Variants in TRAPPC12 observed in about 807,000 individuals in gnomAD.
TRAPPC12 encodes trafficking protein particle complex subunit 12.
Under a neutral mutation model 69.2 loss-of-function variants are expected in TRAPPC12, and 61 were observed. That is an observed-to-expected ratio of 0.88 (90% CI 0.72 to 1.09). The LOEUF (loss-of-function observed/expected upper bound fraction) is 1.09. TRAPPC12 is among the 50% of genes least tolerant of loss of function. The probability of loss-of-function intolerance (pLI) is 0.00; values close to 1 mark genes in which losing one functional copy is unlikely to be tolerated. For synonymous variants in TRAPPC12, 469 were observed against 438.9 expected, an observed-to-expected ratio of 1.07 and a Z score of -0.86; for missense variants, 1,101 against 1,016.4, an observed-to-expected ratio of 1.08 and a Z score of -1.13.
At chr2:3,442,443 G>T (rs537118111) in intron 5 of TRAPPC12, among the ~76,000 whole-genome samples, 1 of 152,248 alleles carries the variant, frequency 6.6e-6, no homozygotes, top group African/African-American at 2.4e-5. Flanking sequence ...CTTAATTGTA[G>T]GCCAGTCCCC....
At chr2:3,464,210 C>T (rs117610933) in intron 8 of TRAPPC12, among the ~76,000 whole-genome samples, 1,613 of 152,276 alleles carry the variant, frequency 0.011, 29 homozygotes, top group East Asian at 0.064. Context: ...CACACATGCT[C>T]GCACTCGCAC....
intron 1 of TRAPPC12, among the ~76,000 whole-genome samples, chr2:3,383,653 C>T (rs1186636861): frequency 2.6e-5 from 4 of 151,878 alleles, no homozygotes; most frequent in Non-Finnish European, 5.9e-5. Context: ...GATACGCCCG[C>T]CCCGGCCTCC....
chr2:3,395,446 A>G (rs763118457), intron 2 of TRAPPC12, among the ~76,000 whole-genome samples: 6 of 147,040 alleles, frequency 4.1e-5, no homozygotes, highest in Admixed American at 2.7e-4. Flanking sequence ...TTACTATTCT[A>G]TGTCTTGTTT....
At position 3,401,894 on chromosome 2, in the gene TRAPPC12, G is replaced by A. The variant is rs755967000; in HGVS notation, c.1164+1G>A. The A allele has an allele frequency of 5.7e-6, 9 of 1,568,084 alleles. No homozygotes were observed. The Admixed American group carries it at 9.6e-5, about 17-fold the overall frequency. ...TTTTGTTGGATTGAAACAGCTAATC[G>A]TAAGTGACAATGTGTTTGATTTCAG... On this transcript the variant is annotated splice_donor_variant, in intron 3 of 11. Transcript: ENST00000324266. LOFTEE classifies it high-confidence loss of function.
intron 5 of TRAPPC12, among the ~76,000 whole-genome samples, chr2:3,427,273 C>A (rs1383463599): frequency 6.6e-6 from 1 of 152,154 alleles, no homozygotes; most frequent in Admixed American, 6.5e-5. Context: ...GTTCATAGTC[C>A]CGGGAGGGGG....
intron 10 of TRAPPC12, among the ~76,000 whole-genome samples, chr2:3,478,544 G>C (rs540773462): frequency 2.6e-5 from 4 of 152,250 alleles, no homozygotes; most frequent in Non-Finnish European, 5.9e-5. Context: ...TGAGGCAGGA[G>C]AGTTGCTTGA....
intron 6 of TRAPPC12, chr2:3,454,659 T>G (rs1458613321): frequency 6.6e-6 from 1 of 152,356 alleles, no homozygotes; most frequent in Non-Finnish European, 1.5e-5. Flanking sequence ...ATCATTGGGG[T>G]GGGAAACTCT....
intron 3 of TRAPPC12, among the ~76,000 whole-genome samples, chr2:3,407,159 G>C (rs887020176): frequency 6.6e-6 from 1 of 152,198 alleles, no homozygotes; most frequent in African/African-American, 2.4e-5. Context: ...GGAGAAGGAC[G>C]TGTTAATCAC....
At chr2:3,472,203 G>A (rs1451864236) in intron 9 of TRAPPC12, among the ~76,000 whole-genome samples, 1 of 152,182 alleles carries the variant, frequency 6.6e-6, no homozygotes, top group African/African-American at 2.4e-5. Flanking sequence ...AGGGTGGGGA[G>A]ACGCTGAGGT....
chr2:3,399,188 GAA>G (rs910155675), intron 2 of TRAPPC12, among the ~76,000 whole-genome samples: 1 of 152,198 alleles, frequency 6.6e-6, no homozygotes, highest in African/African-American at 2.4e-5. Flanking sequence ...AACTAACAGA[GAA>G]TTTTAAGGAC....
chr2:3,390,915 C>T (rs1199942151), intron 2 of TRAPPC12, among the ~76,000 whole-genome samples: 1 of 152,112 alleles, frequency 6.6e-6, no homozygotes, highest in Non-Finnish European at 1.5e-5. Flanking sequence ...TAAAATCTTC[C>T]TCTGATCATT....
chr2:3,449,953 A>G (rs1664763419), intron 6 of TRAPPC12, among the ~76,000 whole-genome samples: 1 of 152,102 alleles, frequency 6.6e-6, no homozygotes, highest in Admixed American at 6.5e-5. Flanking sequence ...ATTGAAGCCC[A>G]TGCTCCTGGA....
At chr2:3,426,680 TG>T (rs1663120800) in intron 5 of TRAPPC12, among the ~76,000 whole-genome samples, 1 of 152,138 alleles carries the variant, frequency 6.6e-6, no homozygotes, top group Non-Finnish European at 1.5e-5. Flanking sequence ...ACCTCTTCCC[TG>T]GGGTATTTCT....
intron 9 of TRAPPC12, among the ~76,000 whole-genome samples, chr2:3,468,826 C>T (rs983708378): frequency 9.9e-5 from 15 of 152,190 alleles, no homozygotes; most frequent in Admixed American, 6.5e-5. Context: ...CTCCTGCTGG[C>T]GCACCCTGCT....
intron 2 of TRAPPC12, among the ~76,000 whole-genome samples, chr2:3,399,478 G>A (rs1004048840): frequency 6.6e-6 from 1 of 152,190 alleles, no homozygotes; most frequent in East Asian, 1.9e-4. Flanking sequence ...TGCTCTGAAA[G>A]CAGAAATTAT....
rs534176062 is a variant in TRAPPC12 at position 3,466,669 on chromosome 2, A to G, written c.1776+974A>G. Among the ~76,000 whole-genome samples, 23 of 152,274 alleles carry G rather than the reference A, an allele frequency of 1.5e-4. No homozygotes were observed. In the East Asian group the frequency reaches 4.1e-3, roughly 27 times the overall value. The stretch of plus-strand genomic sequence containing the variant: ...TCTCCTGCACGCCGCCTGCTTGTGG[A>G]AGTCCACATGGGACACCAGATAGTG... On this transcript the variant is annotated intron_variant, in intron 9 of 11. Coordinates refer to ENST00000324266, the MANE Select transcript of TRAPPC12 (RefSeq NM_016030.6).
At position 3,388,423 on chromosome 2, in the gene TRAPPC12, G is replaced by A. The variant is rs774857814; in HGVS notation, c.800G>A (p.Gly267Glu). The change falls in exon 2 of 12, where the codon GGG (glycine) becomes GAG (glutamate). Residue 267 changes from glycine (G) to glutamate (E), a missense_variant. Coordinates refer to ENST00000324266, the MANE Select transcript of TRAPPC12 (RefSeq NM_016030.6). ...CGCCCCGAACCCGTGGCCATGCGAG[G>A]GCCCCAGGCAGCTGCGCCCCCGGCG... Reference protein sequence around the residue: ...EGRPEPVAMRGPQAAAPPASP... With the variant: ...EGRPEPVAMREPQAAAPPASP... 3.1e-6 allele frequency: 5 copies of A among 1,605,798 alleles called. No individual in the cohort carries two copies. The highest frequency in any genetic ancestry group is 1.3e-5 in the African/African-American group (1 of 74,804).
intron 1 of TRAPPC12, among the ~76,000 whole-genome samples, chr2:3,383,398 C>T (rs901698023): frequency 2.8e-4 from 41 of 148,374 alleles, no homozygotes; most frequent in African/African-American, 1.0e-3. Flanking sequence ...ATTTTTGATC[C>T]CCCACCCCCG....
chr2:3,381,435 TAAAC>T (rs935447560), intron 1 of TRAPPC12, among the ~76,000 whole-genome samples: 2 of 152,212 alleles, frequency 1.3e-5, no homozygotes, highest in African/African-American at 2.4e-5. Flanking sequence ...AAAAAAATTT[TAAAC>T]AATTAATTAA....
Sources: gnomAD v4.1 joint callset for allele counts (sites outside exome capture counted in the v4.1 genomes callset) on GRCh38, gnomAD v4.1.1 for gene constraint, MANE v1.5 for transcripts, NCBI Gene and HGNC (gene_info 2026-07-23, HGNC 2026-07-21) for gene names.